The following AKR1C2 variants were observed in gnomAD, a reference collection of about 807,000 sequenced individuals.
AKR1C2 encodes the protein aldo-keto reductase family 1 member C2, also known as 3-alpha-HSD3.
A neutral mutation model predicts 39.8 loss-of-function variants in AKR1C2; 27 were observed. That is an observed-to-expected ratio of 0.68 (90% CI 0.50 to 0.93). The LOEUF is 0.93. AKR1C2 is among the 40% of genes least tolerant of loss of function. The pLI, the probability that AKR1C2 is intolerant of heterozygous loss-of-function variation, is 0.00. For synonymous variants in AKR1C2, 114 were observed against 137.9 expected, an observed-to-expected ratio of 0.83 and a Z score of 1.22; for missense variants, 263 against 365.1, an observed-to-expected ratio of 0.72 and a Z score of 2.28.
intron 1 of AKR1C2, among the ~76,000 whole-genome samples, chr10:5,003,183 A>G (rs146420489): frequency 0.011 from 1,663 of 151,694 alleles, 43 homozygotes; most frequent in African/African-American, 0.038. Context: ...AAAGAATTTA[A>G]ACTTTCCTTG....
upstream of AKR1C2, chr10:5,004,105 T>C (rs1554774173): frequency 9.7e-6 from 3 of 307,702 alleles, no homozygotes; most frequent in Admixed American, 4.6e-5. Context: ...TCTCTATATA[T>C]GAGACATAAA....
At chr10:5,015,590 A>G (rs1250720031) in intron 1 of AKR1C2, among the ~76,000 whole-genome samples, 1 of 152,144 alleles carries the variant, frequency 6.6e-6, no homozygotes, top group Non-Finnish European at 1.5e-5. Flanking sequence ...ACCCCCAGTG[A>G]TTCACTGAGG....
Position 5,003,856 on chromosome 10 carries a change from G to C in AKR1C2, c.-21C>G, listed in dbSNP as rs782117359. 4.3e-6 allele frequency: 7 copies of C among 1,613,822 alleles called. No homozygotes were observed. In the East Asian group the frequency reaches 1.6e-4, roughly 36 times the overall value. On this transcript the variant is annotated 5_prime_UTR_variant, in exon 1 of 9. Coordinates refer to ENST00000380753, the MANE Select transcript of AKR1C2 (RefSeq NM_001393392.1). ...TCCATTTCTGTCACTGGCCTGGTTA[G>C]CAAATGTTTCTTCCTCCCTCACAGG...
rs1274124296 is a variant in AKR1C2 at position 5,003,485 on chromosome 10, ATCT to A, written c.84+264_84+266del. ...AGAGAAACCACTCCCATTGCAATCA[ATCT>A]TCAAGAGAGGGAGCAGGCAAGCCGT... is the stretch of plus-strand genomic sequence containing the variant. On this transcript the variant is annotated intron_variant, in intron 1 of 8. Transcript: ENST00000380753. 5.9e-5 allele frequency among the ~76,000 whole-genome samples: 9 copies of A among 151,288 alleles called. No homozygotes were observed. In the South Asian group the frequency reaches 1.1e-3, roughly 18 times the overall value.
chr10:5,017,012 T>C (rs1238589231), intron 1 of AKR1C2, among the ~76,000 whole-genome samples: 1 of 152,064 alleles, frequency 6.6e-6, no homozygotes, highest in East Asian at 1.9e-4. Context: ...GTATGCAGGG[T>C]GCCATGTCCC....
Position 4,988,704 on chromosome 10 carries a change from G to A in AKR1C2, c.*1292C>T, listed in dbSNP as rs1836740291. The A allele has an allele frequency of 1.3e-5, 2 of 151,940 alleles. No individual in the cohort carries two copies. The highest frequency in any genetic ancestry group is 1.3e-4 in the Admixed American group (2 of 15,246). The allele number at this position is 151,940 out of a possible 1,614,324, so 9.4% of individuals were successfully genotyped here. A position where few individuals can be genotyped will look rare whatever the true frequency, so the allele number is the denominator to read the frequency against. On this transcript the variant is annotated 3_prime_UTR_variant, in exon 9 of 9. Coordinates refer to ENST00000380753, the MANE Select transcript of AKR1C2 (RefSeq NM_001393392.1). ...AGTACGAATAGTGGAGAGTAAATGT[G>A]TTAGAAAGTGTGCCCAGGTAAAAAA...
At chr10:4,991,452 G>A (rs561144399) in intron 8 of AKR1C2, among the ~76,000 whole-genome samples, 2 of 152,294 alleles carry the variant, frequency 1.3e-5, no homozygotes, top group African/African-American at 4.8e-5. Context: ...AGCAGGTTGG[G>A]AAGAACAAGA....
rs1307656805 is a variant in AKR1C2 at position 4,988,382 on chromosome 10, T to C, written c.*1614A>G. 1 of 152,014 alleles carries C rather than the reference T, an allele frequency of 6.6e-6. No homozygotes were observed. Among genetic ancestry groups the C allele is most frequent in the Non-Finnish European group, 1.5e-5 (1 of 68,008 alleles). 9.4% of individuals were successfully genotyped at this position (152,014 alleles called of 1,614,324 possible). On this transcript the variant is annotated 3_prime_UTR_variant, in exon 9 of 9. Coordinates refer to ENST00000380753, the MANE Select transcript of AKR1C2 (RefSeq NM_001393392.1). ...ACATGGAGATGCAGAGTTCACATTA[T>C]GATCTTCCATTGAAGATTTGGAGGA... is the stretch of plus-strand genomic sequence containing the variant.
chr10:5,009,732 C>A (rs1160285645), intron 1 of AKR1C2, among the ~76,000 whole-genome samples: 4 of 152,096 alleles, frequency 2.6e-5, no homozygotes, highest in Non-Finnish European at 5.9e-5. Context: ...CTTATATAAA[C>A]CCCCAAAGCC....
At chr10:4,991,044 C>A (rs1358703115) in intron 8 of AKR1C2, among the ~76,000 whole-genome samples, 1 of 151,084 alleles carries the variant, frequency 6.6e-6, no homozygotes, top group Non-Finnish European at 1.5e-5. Context: ...ACTTCTTTTT[C>A]CCTCATTATT....
At chr10:5,009,434 G>A (rs531337204) in intron 1 of AKR1C2, among the ~76,000 whole-genome samples, 1 of 152,002 alleles carries the variant, frequency 6.6e-6, no homozygotes, top group Non-Finnish European at 1.5e-5. Flanking sequence ...CACACCTTGC[G>A]ACCACTCCTA....
chr10:5,001,528 A>G lies in AKR1C2; in HGVS notation c.238T>C (p.Phe80Leu), dbSNP rs1837271410. ...ADGSVKREDI[F>L]YTSKLWSNSH... ...AGGCACAGTACCTTTGAAGTGTAGA[A>G]TATGTCTTCTCTCTTCACACTGCCA... is the stretch of plus-strand genomic sequence containing the variant. Residue 80 changes from phenylalanine (F) to leucine (L), a missense_variant, in exon 2 of 9, where the codon TTC becomes CTC. By Grantham distance (22) the Phe-to-Leu change is conservative. Around this residue, in one of 3 missense-constraint regions of AKR1C2, gnomAD observed 247 missense variants for 267.9 expected, o/e 0.92. Coordinates refer to ENST00000380753, the MANE Select transcript of AKR1C2 (RefSeq NM_001393392.1). The G allele has an allele frequency of 9.9e-6, 16 of 1,613,794 alleles. No homozygotes were observed. Among genetic ancestry groups the G allele is most frequent in the Non-Finnish European group, 1.4e-5 (16 of 1,179,820 alleles).
At chr10:5,000,439 A>C (rs141880056) in intron 3 of AKR1C2, 111 bp downstream of exon 3, 2 of 1,600,046 alleles carry the variant, frequency 1.2e-6, no homozygotes, top group South Asian at 1.1e-5. Flanking sequence ...CTCTTCTTCC[A>C]TGTTAAAATC....
At chr10:5,015,247 T>A (rs1159757525) in intron 1 of AKR1C2, 2 of 152,252 alleles carry the variant, frequency 1.3e-5, no homozygotes, top group African/African-American at 2.4e-5. Flanking sequence ...ATGGTGCACA[T>A]TGCAGTGTGG....
At chr10:5,011,584 T>A (rs1837523577) in intron 1 of AKR1C2, among the ~76,000 whole-genome samples, 1 of 152,196 alleles carries the variant, frequency 6.6e-6, no homozygotes, top group South Asian at 2.1e-4. Context: ...CGCACATTGA[T>A]CCAGTTTGTT....
At chr10:5,017,582 C>T (rs185512497) in intron 1 of AKR1C2, among the ~76,000 whole-genome samples, 1 of 152,250 alleles carries the variant, frequency 6.6e-6, no homozygotes, top group East Asian at 1.9e-4. Context: ...TGTTCATATC[C>T]CTATCAGCAT....
chr10:4,996,547 A>ATAAT, intron 5 of AKR1C2, among the ~76,000 whole-genome samples: 1 of 144,548 alleles, frequency 6.9e-6, no homozygotes, highest in South Asian at 2.2e-4. Context: ...ATATATATAT[A>ATAAT]ATATATATAT....
At chr10:5,005,155 T>C (rs1356072518), upstream of AKR1C2, among the ~76,000 whole-genome samples, 1 of 152,098 alleles carries the variant, frequency 6.6e-6, no homozygotes, top group African/African-American at 2.4e-5. Flanking sequence ...CAAAATTTCA[T>C]AATAGTAAGC....
chr10:5,017,677 ATCACACCTACT>A lies in AKR1C2; in HGVS notation c.-88+212_-88+222del. The stretch of plus-strand genomic sequence containing the variant: ...CTTCTGAGCCCTCTAAACTCTTCCA[ATCACACCTACT>A]ACCTATCCAGTTCCAAATTTGCTTT... On this transcript the variant is annotated intron_variant, in intron 1 of 6. Transcript: ENST00000604507. 1.3e-5 allele frequency among the ~76,000 whole-genome samples: 2 copies of A among 152,110 alleles called. 1 individual carries two copies. Among genetic ancestry groups the A allele is most frequent in the South Asian group, 4.1e-4 (2 of 4,820 alleles).
Sources: allele counts gnomAD v4.1 joint callset (sites outside exome capture counted in the v4.1 genomes callset), GRCh38; gene constraint gnomAD v4.1.1; regional missense constraint gnomAD v4.1.1; transcripts MANE v1.5; gene names NCBI Gene and HGNC (gene_info 2026-07-23, HGNC 2026-07-21).